Variants in GRIA1 observed in about 807,000 individuals in gnomAD.
GRIA1 encodes the protein glutamate ionotropic receptor AMPA type subunit 1.
GRIA1 carries 31 observed loss-of-function variants against 99.2 expected under a neutral mutation model. The ratio of observed to expected loss-of-function variants is 0.31; its 90% CI spans 0.23 to 0.42. GRIA1 has a LOEUF of 0.42. Ranked by LOEUF, GRIA1 falls within the 10% of genes least tolerant of loss-of-function variation. GRIA1 has a pLI of 1.00. For missense variants in GRIA1, 782 were observed against 1,157.5 expected, an observed-to-expected ratio of 0.68 and a Z score of 4.71; for synonymous variants, 438 against 432.4, an observed-to-expected ratio of 1.01 and a Z score of -0.16.
At chr5:153,808,801 G>C (rs1446590250) in intron 15 of GRIA1, among the ~76,000 whole-genome samples, 1 of 152,242 alleles carries the variant, frequency 6.6e-6, no homozygotes. Flanking sequence ...TGAGAAGGTA[G>C]TAACCATCCA....
intron 2 of GRIA1, among the ~76,000 whole-genome samples, chr5:153,593,636 A>T (rs1195048718): frequency 3.3e-5 from 5 of 152,140 alleles, no homozygotes; most frequent in Admixed American, 3.3e-4. Context: ...CAGATCCAAA[A>T]TTTCTGAGCA....
intron 11 of GRIA1, among the ~76,000 whole-genome samples, chr5:153,756,237 A>G (rs1213596067): frequency 6.6e-6 from 1 of 152,216 alleles, no homozygotes; most frequent in African/African-American, 2.4e-5. Context: ...CCCACAGCAG[A>G]TCCAGAGGGG....
intron 7 of GRIA1, among the ~76,000 whole-genome samples, chr5:153,685,986 G>A (rs577265260): frequency 6.6e-6 from 1 of 152,306 alleles, no homozygotes; most frequent in East Asian, 1.9e-4. Context: ...CCCATTGTTA[G>A]TATTTGCCTA....
At chr5:153,647,722 T>C (rs1754263185) in intron 3 of GRIA1, among the ~76,000 whole-genome samples, 1 of 152,232 alleles carries the variant, frequency 6.6e-6, no homozygotes, top group African/African-American at 2.4e-5. Context: ...ATCATCATCC[T>C]CCTCATCATA....
intron 2 of GRIA1, among the ~76,000 whole-genome samples, chr5:153,633,264 C>T (rs973229898): frequency 6.6e-6 from 1 of 152,200 alleles, no homozygotes; most frequent in Non-Finnish European, 1.5e-5. Flanking sequence ...TTCTTCCTTG[C>T]TTACTGTTTC....
At chr5:153,752,989 G>A (rs1762595647) in intron 11 of GRIA1, among the ~76,000 whole-genome samples, 1 of 152,180 alleles carries the variant, frequency 6.6e-6, no homozygotes, top group African/African-American at 2.4e-5. Flanking sequence ...GTCAAGTGAT[G>A]AGAAATGCAG....
chr5:153,556,562 T>C (rs1760664427), intron 2 of GRIA1, among the ~76,000 whole-genome samples: 1 of 152,206 alleles, frequency 6.6e-6, no homozygotes, highest in South Asian at 2.1e-4. Flanking sequence ...CCAATATTTG[T>C]TGCAAGAATA....
chr5:153,632,816 T>C (rs1753075369), intron 2 of GRIA1, among the ~76,000 whole-genome samples: 1 of 152,114 alleles, frequency 6.6e-6, no homozygotes, highest in African/African-American at 2.4e-5. Flanking sequence ...AAGACAGATA[T>C]GAAAATGTGA....
At chr5:153,619,070 G>C (rs1766782182) in intron 2 of GRIA1, among the ~76,000 whole-genome samples, 1 of 152,218 alleles carries the variant, frequency 6.6e-6, no homozygotes, top group Admixed American at 6.5e-5. Flanking sequence ...GCACAGTCAT[G>C]ACCTCACTTA....
At chr5:153,712,242 G>C (rs1759366271) in intron 11 of GRIA1, among the ~76,000 whole-genome samples, 1 of 152,038 alleles carries the variant, frequency 6.6e-6, no homozygotes, top group Non-Finnish European at 1.5e-5. Flanking sequence ...AGTAGAGATG[G>C]GGTTTCACCA....
At chr5:153,645,714 G>T (rs1038844939) in intron 2 of GRIA1, among the ~76,000 whole-genome samples, 5 of 152,132 alleles carry the variant, frequency 3.3e-5, no homozygotes, top group African/African-American at 1.2e-4. Flanking sequence ...TGTAATTTGA[G>T]ATCCCATACA....
intron 11 of GRIA1, 111 bp from the exon 12 acceptor site, chr5:153,764,323 A>C: frequency 1.3e-6 from 1 of 762,634 alleles, no homozygotes. Flanking sequence ...AGAAGGGTGC[A>C]ATAGGGCCTG....
chr5:153,679,478 C>G (rs1756821416), intron 7 of GRIA1, among the ~76,000 whole-genome samples: 1 of 152,176 alleles, frequency 6.6e-6, no homozygotes, highest in Non-Finnish European at 1.5e-5. Context: ...AGTGACTCAC[C>G]CAGGGTCACA....
intron 5 of GRIA1, among the ~76,000 whole-genome samples, chr5:153,656,390 T>TATATATATATATATATATATATAC (rs1754964769): frequency 2.0e-5 from 1 of 50,376 alleles, no homozygotes; most frequent in Non-Finnish European, 5.1e-5. Context: ...TGTTTATATA[T>TATATATATATATATATATATATAC]ATATATATAT....
chr5:153,591,644 A>G (rs1763982482), intron 2 of GRIA1, among the ~76,000 whole-genome samples: 2 of 152,332 alleles, frequency 1.3e-5, no homozygotes, highest in East Asian at 1.9e-4. Context: ...GAAGCACTCA[A>G]TAGAAGTTGG....
chr5:153,593,905 A>C (rs10057063), intron 2 of GRIA1, among the ~76,000 whole-genome samples: 2 of 152,278 alleles, frequency 1.3e-5, no homozygotes, highest in Non-Finnish European at 2.9e-5. Flanking sequence ...TTTCTTAAGA[A>C]AGACAACATG....
chr5:153,556,956 TACAA>T (rs1394112867), intron 2 of GRIA1, among the ~76,000 whole-genome samples: 23 of 152,352 alleles, frequency 1.5e-4, no homozygotes, highest in African/African-American at 4.6e-4. Context: ...GCTCCTAGAC[TACAA>T]ACCTGTGCAG....
At chr5:153,622,655 A>G (rs113674348) in intron 2 of GRIA1, among the ~76,000 whole-genome samples, 1,578 of 152,332 alleles carry the variant, frequency 0.01, 26 homozygotes, top group African/African-American at 0.036. Context: ...GAACATGATA[A>G]CAAATATGAA....
chr5:153,567,098 G>T (rs1374505918), intron 2 of GRIA1, among the ~76,000 whole-genome samples: 2 of 152,140 alleles, frequency 1.3e-5, no homozygotes, highest in East Asian at 1.9e-4. Context: ...GATCTTTTTT[G>T]TTGTTGTTGT....
Sources: gnomAD v4.1 joint callset for allele counts (sites outside exome capture counted in the v4.1 genomes callset) on GRCh38, gnomAD v4.1.1 for gene constraint, MANE v1.5 for transcripts, NCBI Gene and HGNC (gene_info 2026-07-23, HGNC 2026-07-21) for gene names.